The following GLYCTK variants were observed in gnomAD, a reference collection of about 807,000 sequenced individuals.
The protein encoded by GLYCTK is glycerate kinase.
In GLYCTK, 22 loss-of-function variants were observed where a neutral mutation model predicts 24.8. The ratio of observed to expected loss-of-function variants is 0.89; its 90% CI spans 0.63 to 1.27. The LOEUF is 1.27. Ranked by LOEUF, GLYCTK falls within the 50% of genes most tolerant of loss-of-function variation. The pLI is 0.00. For synonymous variants in GLYCTK, 320 were observed against 297.2 expected, an observed-to-expected ratio of 1.08 and a Z score of -0.79; for missense variants, 684 against 686.7, an observed-to-expected ratio of 1.00 and a Z score of 0.04.
rs879577194 is a variant in GLYCTK, at chr3:52,288,039, G to GC, written c.-40+168dup. On this transcript the variant is annotated intron_variant, in intron 1 of 4. Coordinates refer to ENST00000436784, the MANE Select transcript of GLYCTK (RefSeq NM_145262.4). ...CTACCTTAGGATGACGTCACTTCCGGCCCCCTACTGTCTAGGGAAAGCCGG... is the reference window on the plus strand; with the variant it reads ...CTACCTTAGGATGACGTCACTTCCGGCCCCCCTACTGTCTAGGGAAAGCCGG... 24 of 289,288 alleles carry GC rather than the reference G, an allele frequency of 8.3e-5. 1 individual carries two copies. The highest frequency in any genetic ancestry group is 5.5e-4 in the South Asian group (23 of 41,464). 17.9% of individuals were successfully genotyped at this position (289,288 alleles called of 1,614,324 possible).
chr3:52,289,674 C>T (rs771392205), intron 1 of GLYCTK, among the ~76,000 whole-genome samples: 5 of 152,248 alleles, frequency 3.3e-5, no homozygotes, highest in Non-Finnish European at 7.3e-5. Context: ...GTCCTGCATA[C>T]TGAGATTCCT....
rs1194536781 is a variant in GLYCTK, at chr3:52,294,736, C to T, written c.*1610C>T. The T allele has an allele frequency of 4.5e-6, 2 of 447,496 alleles. No individual in the cohort carries two copies. The highest frequency in any genetic ancestry group is 9.0e-6 in the Non-Finnish European group (2 of 222,120). The allele number at this position is 447,496 out of a possible 1,614,324, so 27.7% of individuals were successfully genotyped here. On this transcript the variant is annotated 3_prime_UTR_variant, in exon 5 of 5. Coordinates refer to ENST00000436784, the MANE Select transcript of GLYCTK (RefSeq NM_145262.4). ...GCCTGTTCCTGCCTCAGTCCTTGCT[C>T]TTGGGAGCATGAGTATTGGCACTGG... is the stretch of plus-strand genomic sequence containing the variant.
chr3:52,291,888 G>C lies in GLYCTK; in HGVS notation c.671G>C (p.Gly224Ala), dbSNP rs1189758748. 1 of 1,613,620 alleles carries C rather than the reference G, an allele frequency of 6.2e-7. No homozygotes were observed. Among genetic ancestry groups the C allele is most frequent in the South Asian group, 1.1e-5 (1 of 91,086 alleles). ...CGGAAGGCCCTGTCCCAGCTCAAGGGTGGGGGGCTGGCTCAGGCCGCCTAC... is the reference window on the plus strand; with the variant it reads ...CGGAAGGCCCTGTCCCAGCTCAAGGCTGGGGGGCTGGCTCAGGCCGCCTAC... ...TIRKALSQLK[G>A]GGLAQAAYPA... The change falls in exon 4 of 5, where the codon GGT (glycine) becomes GCT (alanine). Residue 224 changes from glycine to alanine, a missense_variant. Transcript: ENST00000436784.
intron 1 of GLYCTK, chr3:52,290,053 A>T: frequency 2.0e-6 from 1 of 502,618 alleles, no homozygotes; most frequent in Non-Finnish European, 3.5e-6. Context: ...TTTGGACTTG[A>T]GGCAGAGTAT....
chr3:52,290,800 C>G, intron 2 of GLYCTK, 81 bp downstream of exon 2: 1 of 1,583,860 alleles, frequency 6.3e-7, no homozygotes, highest in Admixed American at 1.7e-5. Flanking sequence ...TCGGGCCTCC[C>G]CTCCCCACCC....
In GLYCTK at chr3:52,292,418, G is replaced by A; in HGVS notation, c.864G>A (p.Leu288=). Residue 288 remains leucine, a synonymous_variant, in exon 5 of 5, where the codon CTG becomes CTA. Coordinates refer to ENST00000436784, the MANE Select transcript of GLYCTK (RefSeq NM_145262.4). The part of the protein sequence containing the change: ...AALPRSVKTV[L]SRADSDPHGP... The stretch of plus-strand genomic sequence containing the variant: ...TGCCACGTTCTGTGAAGACTGTGCT[G>A]TCTCGGGCCGACTCTGACCCCCATG... The A allele has an allele frequency of 6.2e-7, 1 of 1,613,602 alleles. No homozygotes were observed. The highest frequency in any genetic ancestry group is 1.3e-5 in the African/African-American group (1 of 75,048).
chr3:52,291,379 G>C (rs1170469555), intron 3 of GLYCTK: 1 of 589,494 alleles, frequency 1.7e-6, no homozygotes, highest in Non-Finnish European at 3.0e-6. Context: ...TGACACATCC[G>C]TAGAGTCCTT....
In GLYCTK at chr3:52,291,917, G is replaced by A. The variant is rs1700482106; in HGVS notation, c.700G>A (p.Ala234Thr). The change falls in exon 4 of 5, where the codon GCC becomes ACC. Residue 234 changes from alanine to threonine, a missense_variant. By Grantham distance (58) the Ala-to-Thr change is moderately conservative. Transcript: ENST00000436784. ...GGGLAQAAYP[A>T]QVVSLILSDV... Reference sequence around the variant, plus strand: ...GGGGCTGGCTCAGGCCGCCTACCCTGCCCAGGTATGAGTCCCTTCTTCCCC... The same window carrying A: ...GGGGCTGGCTCAGGCCGCCTACCCTACCCAGGTATGAGTCCCTTCTTCCCC... 1.2e-6 allele frequency: 2 copies of A among 1,612,348 alleles called. No individual in the cohort carries two copies. Among genetic ancestry groups the A allele is most frequent in the African/African-American group, 2.7e-5 (2 of 75,032 alleles).
rs1367868647 is a variant in GLYCTK, at chr3:52,291,846, A to G, written c.629A>G (p.Gln210Arg). Residue 210 changes from glutamine (Q) to arginine (R), a missense_variant, in exon 4 of 5, where the codon CAG (glutamine) becomes CGG (arginine). By Grantham distance (43) the Gln-to-Arg change is conservative. Coordinates refer to ENST00000436784, the MANE Select transcript of GLYCTK (RefSeq NM_145262.4). ...CTGGCAGCCCGTGGAGCCACCATCC[A>G]GGAGTTGAACACCATTCGGAAGGCC... ...RLLAARGATIQELNTIRKALS... is the reference protein window; with the variant it reads ...RLLAARGATIRELNTIRKALS... The G allele has an allele frequency of 1.2e-6, 2 of 1,613,870 alleles. No homozygotes were observed. Among genetic ancestry groups the G allele is most frequent in the East Asian group, 4.5e-5 (2 of 44,886 alleles).
At chr3:52,292,164 G>C (rs1436108061) in intron 4 of GLYCTK, 96 bp from the exon 5 acceptor site, 4 of 1,499,668 alleles carry the variant, frequency 2.7e-6, no homozygotes, top group Admixed American at 3.4e-5. Flanking sequence ...ACTGAGTTGG[G>C]GGAGGGTGTG....
rs1700492775 is a variant in GLYCTK at position 52,292,245 on chromosome 3, G to A, written c.706-15G>A. 2.5e-6 allele frequency: 4 copies of A among 1,613,734 alleles called. No homozygotes were observed. The highest frequency in any genetic ancestry group is 3.4e-6 in the Non-Finnish European group (4 of 1,179,904). On this transcript the variant is annotated splice_polypyrimidine_tract_variant and intron_variant, in intron 4 of 4. Coordinates refer to ENST00000436784, the MANE Select transcript of GLYCTK (RefSeq NM_145262.4). ...AGGAAGTGGGCCTGAGCCTTGTCTGGTGGCCCTTCCCCAGGTGGTGAGCCT... is the reference window on the plus strand; with the variant it reads ...AGGAAGTGGGCCTGAGCCTTGTCTGATGGCCCTTCCCCAGGTGGTGAGCCT...
intron 3 of GLYCTK, chr3:52,291,455 A>G: frequency 1.7e-6 from 1 of 578,954 alleles, no homozygotes; most frequent in Non-Finnish European, 3.1e-6. Flanking sequence ...CTCAGACCTC[A>G]TGGAGTCCTC....
intron 4 of GLYCTK, 146 bp from the exon 5 acceptor site, chr3:52,292,114 A>G (rs1700487701): frequency 2.4e-6 from 3 of 1,240,892 alleles, no homozygotes; most frequent in African/African-American, 3.0e-5. Context: ...GGTGTTTTGC[A>G]AGCCCACGTG....
intron 1 of GLYCTK, among the ~76,000 whole-genome samples, chr3:52,289,632 C>T (rs1430959434): frequency 6.6e-6 from 1 of 152,208 alleles, no homozygotes; most frequent in Non-Finnish European, 1.5e-5. Context: ...TGCCCTCACT[C>T]CTGATTTGAA....
At chr3:52,289,562 G>A (rs748170684) in intron 1 of GLYCTK, among the ~76,000 whole-genome samples, 8 of 152,228 alleles carry the variant, frequency 5.3e-5, no homozygotes, top group Admixed American at 6.5e-5. Flanking sequence ...TGGGCTTCAT[G>A]GCACATGGCC....
At chr3:52,290,183 A>G (rs1700415174) in intron 1 of GLYCTK, 121 bp from the exon 2 acceptor site, 1 of 783,962 alleles carries the variant, frequency 1.3e-6, no homozygotes, top group Admixed American at 2.9e-5. Context: ...GGGCTATCAG[A>G]TGGCTCCTTC....
At position 52,291,822 on chromosome 3, in the gene GLYCTK, T is replaced by C; in HGVS notation, c.605T>C (p.Leu202Pro). ...GAGAAGCAGACACTCACTAGACTGC[T>C]GGCAGCCCGTGGAGCCACCATCCAG... is the stretch of plus-strand genomic sequence containing the variant. ...LEEKQTLTRLLAARGATIQEL... is the reference protein window; with the variant it reads ...LEEKQTLTRLPAARGATIQEL... Residue 202 changes from leucine (L) to proline (P), a missense_variant, in exon 4 of 5, where the codon CTG becomes CCG. By Grantham distance (98) the Leu-to-Pro change is moderately conservative. Transcript: ENST00000436784. The C allele has an allele frequency of 6.2e-7, 1 of 1,613,886 alleles. No individual in the cohort carries two copies. The highest frequency in any genetic ancestry group is 2.2e-5 in the East Asian group (1 of 44,858).
intron 1 of GLYCTK, chr3:52,288,567 T>G (rs1369709458): frequency 6.6e-6 from 1 of 152,266 alleles, no homozygotes; most frequent in Non-Finnish European, 1.5e-5. Context: ...TCCTAAACAT[T>G]GTATGCACAT....
rs1473659236 is a variant in GLYCTK, at chr3:52,294,269, A to C, written c.*1143A>C. On this transcript the variant is annotated 3_prime_UTR_variant, in exon 5 of 5. Coordinates refer to ENST00000436784, the MANE Select transcript of GLYCTK (RefSeq NM_145262.4). ...AATCCCTATATGAGTGAGCAGTAGA[A>C]TCACATAGGAATAAAAAGCCATAGA... The C allele has an allele frequency of 1.9e-6, 1 of 534,764 alleles. No homozygotes were observed. The allele number at this position is 534,764 out of a possible 1,614,324, so 33.1% of individuals were successfully genotyped here. A position where few individuals can be genotyped will look rare whatever the true frequency, so the allele number is the denominator to read the frequency against.
Sources: gnomAD v4.1 joint callset for allele counts (sites outside exome capture counted in the v4.1 genomes callset) on GRCh38, gnomAD v4.1.1 for gene constraint, MANE v1.5 for transcripts, NCBI Gene and HGNC (gene_info 2026-07-23, HGNC 2026-07-21) for gene names.